CELF4: variants seen among roughly 807,000 people sequenced by gnomAD.
CELF4 encodes CUG-BP- and ETR-3-like factor 4.
Under a neutral mutation model 59.9 loss-of-function variants are expected in CELF4, and 18 were observed. That is an observed-to-expected ratio of 0.30 (90% confidence interval 0.21 to 0.45). The LOEUF is 0.45. Ranked by LOEUF, CELF4 falls within the 20% of genes least tolerant of loss-of-function variation. The pLI is 1.00. For synonymous variants in CELF4, 261 were observed against 267.1 expected, an observed-to-expected ratio of 0.98 and a Z score of 0.22; for missense variants, 456 against 689.0, an observed-to-expected ratio of 0.66 and a Z score of 3.79.
chr18:37,413,804 C>T (rs1269919115), intron 2 of CELF4, among the ~76,000 whole-genome samples: 2 of 152,194 alleles, frequency 1.3e-5, no homozygotes, highest in African/African-American at 4.8e-5. Flanking sequence ...TGTGCAGTGC[C>T]CTCTGGTGTG....
At chr18:37,523,483 GT>G (rs2154604758) in intron 1 of CELF4, among the ~76,000 whole-genome samples, 1 of 152,260 alleles carries the variant, frequency 6.6e-6, no homozygotes, top group East Asian at 1.9e-4. Context: ...CTGACCAAGG[GT>G]AAGGAGTTTG....
In CELF4 at chr18:37,274,323, G is replaced by A; in HGVS notation, c.789C>T (p.Ala263=). The A allele has an allele frequency of 6.2e-7, 1 of 1,612,682 alleles. No homozygotes were observed. The highest frequency in any genetic ancestry group is 8.5e-7 in the Non-Finnish European group (1 of 1,179,658). The change falls in exon 6 of 13, where the codon GCC becomes GCT. Residue 263 remains alanine, a synonymous_variant. Transcript: ENST00000420428. ...PMAIPFGAYG[A]YAQALMQQQA... is the part of the protein sequence containing the mutation. ...CGCTGCCACTTACTGCCTGAGCGTA[G>A]GCGCCGTAGGCCCCGAAAGGGATGG... is the stretch of plus-strand genomic sequence containing the variant.
At chr18:37,313,622 G>A (rs536856019) in intron 3 of CELF4, among the ~76,000 whole-genome samples, 7 of 152,326 alleles carry the variant, frequency 4.6e-5, no homozygotes, top group East Asian at 1.9e-4. Context: ...GCCACTGGAC[G>A]CTGCCCCCAC....
chr18:37,376,223 C>T (rs534407955), intron 2 of CELF4, among the ~76,000 whole-genome samples: 1 of 152,262 alleles, frequency 6.6e-6, no homozygotes, highest in African/African-American at 2.4e-5. Flanking sequence ...AGCCTCCCAC[C>T]TCTTCAGGCC....
At chr18:37,384,420 G>T (rs935689656) in intron 2 of CELF4, among the ~76,000 whole-genome samples, 1 of 152,132 alleles carries the variant, frequency 6.6e-6, no homozygotes, top group African/African-American at 2.4e-5. Context: ...ACACATAGGT[G>T]GGGCAGGGTG....
chr18:37,421,332 C>T (rs2099576725), intron 2 of CELF4, among the ~76,000 whole-genome samples: 1 of 152,226 alleles, frequency 6.6e-6, no homozygotes, highest in Non-Finnish European at 1.5e-5. Flanking sequence ...TCTCTCCCTC[C>T]TTGCGCACTG....
chr18:37,323,203 G>T (rs11081998), intron 2 of CELF4, among the ~76,000 whole-genome samples: 1 of 151,838 alleles, frequency 6.6e-6, no homozygotes, highest in Non-Finnish European at 1.5e-5. Context: ...AGAGATGGGA[G>T]GCAGGACGCA....
intron 2 of CELF4, among the ~76,000 whole-genome samples, chr18:37,413,461 T>C (rs528543903): frequency 6.6e-6 from 1 of 152,276 alleles, no homozygotes; most frequent in East Asian, 1.9e-4. Context: ...GGGGTGTGTT[T>C]GTACAGAGGG....
chr18:37,546,545 C>G (rs961272886), intron 1 of CELF4, among the ~76,000 whole-genome samples: 1 of 152,128 alleles, frequency 6.6e-6, no homozygotes, highest in Non-Finnish European at 1.5e-5. Context: ...GGGAAAGGGT[C>G]GGGCTCTGCC....
intron 3 of CELF4, among the ~76,000 whole-genome samples, chr18:37,292,354 G>C (rs1294188722): frequency 6.6e-6 from 1 of 152,208 alleles, no homozygotes; most frequent in African/African-American, 2.4e-5. Context: ...TTAATCCAAA[G>C]AAGTGGAGGA....
At chr18:37,435,690 C>A (rs923815691) in intron 2 of CELF4, among the ~76,000 whole-genome samples, 7 of 152,178 alleles carry the variant, frequency 4.6e-5, no homozygotes, top group African/African-American at 1.7e-4. Context: ...CACGTCCCAA[C>A]AAGGCACTGG....
At chr18:37,372,348 G>A (rs542826113) in intron 2 of CELF4, among the ~76,000 whole-genome samples, 32 of 152,248 alleles carry the variant, frequency 2.1e-4, no homozygotes, top group South Asian at 1.0e-3. Context: ...GGATGAAGCT[G>A]GAAACCATCA....
intron 3 of CELF4, among the ~76,000 whole-genome samples, chr18:37,299,746 T>C (rs1458558524): frequency 6.6e-6 from 1 of 152,258 alleles, no homozygotes; most frequent in Non-Finnish European, 1.5e-5. Context: ...TCTGGCTGAT[T>C]GCACAGGGTT....
intron 2 of CELF4, among the ~76,000 whole-genome samples, chr18:37,441,704 G>A (rs1273267650): frequency 6.6e-6 from 1 of 151,990 alleles, no homozygotes; most frequent in African/African-American, 2.4e-5. Flanking sequence ...AACAGAAGGG[G>A]ACACCTATCC....
chr18:37,431,525 G>A (rs1304413570), intron 2 of CELF4, among the ~76,000 whole-genome samples: 3 of 151,640 alleles, frequency 2.0e-5, no homozygotes, highest in Admixed American at 6.6e-5. Context: ...CCGCCACCAC[G>A]CCCAGCTAAT....
At chr18:37,429,081 G>A (rs1157377010) in intron 2 of CELF4, among the ~76,000 whole-genome samples, 2 of 152,186 alleles carry the variant, frequency 1.3e-5, no homozygotes, top group Admixed American at 6.5e-5. Context: ...TGAGGGAGTC[G>A]TGCTTCCTGC....
chr18:37,312,941 C>T (rs1304550711), intron 3 of CELF4, among the ~76,000 whole-genome samples: 1 of 152,228 alleles, frequency 6.6e-6, no homozygotes. Flanking sequence ...GGATATGTAG[C>T]CCCCAAAACA....
At chr18:37,421,167 C>T (rs2099575711) in intron 2 of CELF4, among the ~76,000 whole-genome samples, 1 of 152,204 alleles carries the variant, frequency 6.6e-6, no homozygotes, top group Non-Finnish European at 1.5e-5. Context: ...GTTCCCTATC[C>T]GGGTCATGGG....
chr18:37,562,406 A>G (rs1330140111), intron 1 of CELF4, among the ~76,000 whole-genome samples: 1 of 150,156 alleles, frequency 6.7e-6, no homozygotes, highest in Non-Finnish European at 1.5e-5. Flanking sequence ...TAACATAAAC[A>G]TGACATCCAA....
Sources: allele counts gnomAD v4.1 joint callset (sites outside exome capture counted in the v4.1 genomes callset), GRCh38; gene constraint gnomAD v4.1.1; transcripts MANE v1.5; gene names NCBI Gene and HGNC (gene_info 2026-07-23, HGNC 2026-07-21).